GALNTL6: variants seen among roughly 807,000 people sequenced by gnomAD.
GALNTL6 encodes polypeptide N-acetylgalactosaminyltransferase-like 6.
Under a neutral mutation model 73.7 loss-of-function variants are expected in GALNTL6, and 46 were observed. That is an observed-to-expected ratio of 0.62 (90% CI 0.49 to 0.80). GALNTL6 has a LOEUF of 0.80. GALNTL6 is among the 30% of genes least tolerant of loss of function. The pLI, the probability that GALNTL6 is intolerant of heterozygous loss-of-function variation, is 0.00. For synonymous variants in GALNTL6, 259 were observed against 263.7 expected (o/e 0.98, Z 0.17); for missense variants, 604 against 755.0 (o/e 0.80, Z 2.34).
intron 5 of GALNTL6, among the ~76,000 whole-genome samples, chr4:172,362,583 A>C (rs1295850681): frequency 6.6e-6 from 1 of 152,072 alleles, no homozygotes; most frequent in African/African-American, 2.4e-5. Flanking sequence ...ATAATTGTGC[A>C]CACTATACCT....
At chr4:172,201,719 T>C (rs1036579135) in intron 2 of GALNTL6, among the ~76,000 whole-genome samples, 3 of 152,132 alleles carry the variant, frequency 2.0e-5, no homozygotes, top group African/African-American at 7.2e-5. Flanking sequence ...GTTGAGGCAA[T>C]AAAATAGTGC....
At chr4:171,994,514 G>C (rs1740430315) in intron 2 of GALNTL6, among the ~76,000 whole-genome samples, 5 of 152,034 alleles carry the variant, frequency 3.3e-5, no homozygotes, top group Admixed American at 3.3e-4. Context: ...TGGGGACTTA[G>C]AGAGGAAGGT....
At chr4:172,204,627 A>C (rs865817233) in intron 2 of GALNTL6, among the ~76,000 whole-genome samples, 6 of 152,312 alleles carry the variant, frequency 3.9e-5, no homozygotes, top group African/African-American at 1.2e-4. Context: ...CTTAGTTTGC[A>C]TGATAAATTA....
intron 10 of GALNTL6, among the ~76,000 whole-genome samples, chr4:172,991,580 T>A (rs1217386929): frequency 6.6e-6 from 1 of 151,922 alleles, no homozygotes; most frequent in Non-Finnish European, 1.5e-5. Context: ...TTGTGTTGTT[T>A]TTTTTTTAGT....
intron 2 of GALNTL6, among the ~76,000 whole-genome samples, chr4:172,058,121 G>GTTTTGTTTTGTTTT (rs1731084889): frequency 1.5e-5 from 1 of 68,494 alleles, no homozygotes; most frequent in Admixed American, 1.7e-4. Context: ...TGGTTGTTTT[G>GTTTTGTTTTGTTTT]TTTTGTTTTG....
intron 2 of GALNTL6, among the ~76,000 whole-genome samples, chr4:172,049,992 AAAG>A (rs748498488): frequency 5.1e-5 from 4 of 78,312 alleles, no homozygotes; most frequent in Non-Finnish European, 1.0e-4. Flanking sequence ...CTAAAAAGAA[AAAG>A]AAGAAGGAAA....
intron 5 of GALNTL6, among the ~76,000 whole-genome samples, chr4:172,579,538 C>T (rs541816780): frequency 1.3e-5 from 2 of 152,190 alleles, no homozygotes; most frequent in Middle Eastern, 3.4e-3. Context: ...GAGCAATGTT[C>T]CTCGAAGGAA....
intron 10 of GALNTL6, among the ~76,000 whole-genome samples, chr4:173,003,199 G>A (rs1031693676): frequency 4.6e-5 from 7 of 152,248 alleles, no homozygotes; most frequent in Admixed American, 2.6e-4. Flanking sequence ...TGGGAGACTG[G>A]GATGGAGAGG....
intron 2 of GALNTL6, among the ~76,000 whole-genome samples, chr4:172,207,877 C>T (rs1398340842): frequency 6.6e-6 from 1 of 152,254 alleles, no homozygotes; most frequent in Non-Finnish European, 1.5e-5. Flanking sequence ...TAAACTACAG[C>T]GTATTTTATT....
chr4:172,149,013 C>T (rs1733996639), intron 2 of GALNTL6, among the ~76,000 whole-genome samples: 1 of 152,130 alleles, frequency 6.6e-6, no homozygotes, highest in African/African-American at 2.4e-5. Flanking sequence ...TAGTCAACAG[C>T]TCATGTATCA....
chr4:172,472,093 T>C (rs1387514250), intron 5 of GALNTL6, among the ~76,000 whole-genome samples: 4 of 152,322 alleles, frequency 2.6e-5, no homozygotes, highest in Admixed American at 6.5e-5. Flanking sequence ...TGCAAATTCA[T>C]AGAAGTTTTA....
At chr4:172,253,593 A>G (rs1449678169) in intron 3 of GALNTL6, among the ~76,000 whole-genome samples, 1 of 151,968 alleles carries the variant, frequency 6.6e-6, no homozygotes, top group Non-Finnish European at 1.5e-5. Flanking sequence ...AATAGCAACC[A>G]GTATAATGGG....
chr4:172,630,748 T>C (rs1480798789), intron 5 of GALNTL6, among the ~76,000 whole-genome samples: 3 of 150,734 alleles, frequency 2.0e-5, no homozygotes, highest in Non-Finnish European at 4.4e-5. Context: ...CGTATATGCA[T>C]TTCCACAAAG....
chr4:171,894,218 G>A (rs1736844480), intron 2 of GALNTL6, among the ~76,000 whole-genome samples: 1 of 152,186 alleles, frequency 6.6e-6, no homozygotes, highest in South Asian at 2.1e-4. Context: ...AAATTAGACT[G>A]TGATTTACAT....
chr4:172,157,881 GTTC>G (rs1400652647), intron 2 of GALNTL6, among the ~76,000 whole-genome samples: 3 of 152,098 alleles, frequency 2.0e-5, no homozygotes, highest in African/African-American at 7.2e-5. Context: ...ATGTTTGCTA[GTTC>G]TTCTCCTCAG....
chr4:171,988,386 T>A (rs183331918), intron 2 of GALNTL6, among the ~76,000 whole-genome samples: 1,542 of 152,268 alleles, frequency 0.01, 19 homozygotes, highest in Middle Eastern at 0.02. Flanking sequence ...ATAGGGGCTG[T>A]CTGTGAAGCC....
chr4:172,288,533 A>G (rs1739349413), intron 3 of GALNTL6, among the ~76,000 whole-genome samples: 1 of 152,200 alleles, frequency 6.6e-6, no homozygotes, highest in African/African-American at 2.4e-5. Flanking sequence ...AAAATATGGA[A>G]TAATTATTTA....
intron 5 of GALNTL6, among the ~76,000 whole-genome samples, chr4:172,718,273 CAT>C (rs1380846330): frequency 6.6e-6 from 1 of 152,076 alleles, no homozygotes; most frequent in Non-Finnish European, 1.5e-5. Context: ...TGATTTATAT[CAT>C]GTCATATCAT....
At chr4:172,927,180 C>T (rs1006973814) in intron 8 of GALNTL6, among the ~76,000 whole-genome samples, 3 of 152,154 alleles carry the variant, frequency 2.0e-5, no homozygotes, top group African/African-American at 7.2e-5. Flanking sequence ...AGAAAGTAGT[C>T]CACTTGTAAT....
Sources: gnomAD v4.1 joint callset for allele counts (sites outside exome capture counted in the v4.1 genomes callset) on GRCh38, gnomAD v4.1.1 for gene constraint, MANE v1.5 for transcripts, NCBI Gene and HGNC (gene_info 2026-07-23, HGNC 2026-07-21) for gene names.